CTIF: variants seen among roughly 807,000 people sequenced by gnomAD.
The protein encoded by CTIF is cap binding complex dependent translation initiation factor, also known as CBP80/20-dependent translation initiation factor.
Under a neutral mutation model 66.0 loss-of-function variants are expected in CTIF, and 21 were observed. That is an observed-to-expected ratio of 0.32 (90% CI 0.23 to 0.46). The LOEUF (loss-of-function observed/expected upper bound fraction) is 0.46, where lower values mean the gene tolerates loss of function less well. Ranked by LOEUF, CTIF falls within the 20% of genes least tolerant of loss-of-function variation. The pLI, the probability that CTIF is intolerant of heterozygous loss-of-function variation, is 1.00. For missense variants in CTIF, 739 were observed against 812.7 expected (o/e 0.91, Z 1.10); for synonymous variants, 345 against 326.4 (o/e 1.06, Z -0.62).
intron 1 of CTIF, among the ~76,000 whole-genome samples, chr18:48,602,538 A>G (rs62102935): frequency 0.048 from 7,330 of 152,216 alleles, 203 homozygotes; most frequent in Middle Eastern, 0.13. Context: ...ACAGTTGATG[A>G]CTTTGCTTTC....
At chr18:48,687,888 G>T (rs1477684906) in intron 6 of CTIF, among the ~76,000 whole-genome samples, 6 of 152,210 alleles carry the variant, frequency 3.9e-5, no homozygotes, top group African/African-American at 1.4e-4. Flanking sequence ...CCCAGTGGTA[G>T]CCCAGTCCCA....
chr18:48,830,323 C>G (rs976157213), intron 10 of CTIF, among the ~76,000 whole-genome samples: 5 of 152,030 alleles, frequency 3.3e-5, no homozygotes, highest in Admixed American at 3.3e-4. Context: ...GCCACCACAC[C>G]CAGCTAATTT....
intron 10 of CTIF, among the ~76,000 whole-genome samples, chr18:48,829,546 C>T (rs555080293): frequency 2.0e-5 from 3 of 151,150 alleles, no homozygotes; most frequent in South Asian, 2.1e-4. Flanking sequence ...CAGAGCCCCC[C>T]GACCTCCGTG....
At chr18:48,731,970 ACT>A (rs1302496899) in intron 7 of CTIF, among the ~76,000 whole-genome samples, 1 of 152,060 alleles carries the variant, frequency 6.6e-6, no homozygotes, top group Non-Finnish European at 1.5e-5. Flanking sequence ...TGCCAATAAA[ACT>A]CTGTTTCCAT....
Position 48,761,834 on chromosome 18 carries a change from A to C in CTIF, c.1371+145A>C. 5 of 792,222 alleles carry C rather than the reference A, an allele frequency of 6.3e-6. No homozygotes were observed. The highest frequency in any genetic ancestry group is 3.5e-5 in the African/African-American group (2 of 57,524). 49.1% of individuals were successfully genotyped at this position (792,222 alleles called of 1,614,324 possible). A position where few individuals can be genotyped will look rare whatever the true frequency, so the allele number is the denominator to read the frequency against. On this transcript the variant is annotated intron_variant, in intron 9 of 11. Coordinates refer to ENST00000256413, the MANE Select transcript of CTIF (RefSeq NM_014772.3). This position sits in a 1 kb window ranked among gnomAD's most constrained non-coding sequence, Gnocchi z 4.2. Reference sequence around the variant, plus strand: ...TGCCCGATTAATTATAGAAAACACAAAGGCAGTTAAGGGGCCAGGAATGAG... The same window carrying C: ...TGCCCGATTAATTATAGAAAACACACAGGCAGTTAAGGGGCCAGGAATGAG...
chr18:48,733,674 G>T (rs772183642), intron 7 of CTIF, among the ~76,000 whole-genome samples: 1 of 152,242 alleles, frequency 6.6e-6, no homozygotes, highest in African/African-American at 2.4e-5. Context: ...AGGAGAAGGA[G>T]GAAAATTATC....
At chr18:48,849,535 AATAC>A (rs1260892519) in intron 10 of CTIF, among the ~76,000 whole-genome samples, 4 of 151,614 alleles carry the variant, frequency 2.6e-5, no homozygotes, top group Non-Finnish European at 5.9e-5. Flanking sequence ...TTGGTTAATA[AATAC>A]ATACATATAC....
At chr18:48,703,398 C>T (rs1238625857) in intron 6 of CTIF, among the ~76,000 whole-genome samples, 1 of 152,124 alleles carries the variant, frequency 6.6e-6, no homozygotes, top group African/African-American at 2.4e-5. Context: ...CTGGCCTGGG[C>T]TAGGATCCCC....
intron 11 of CTIF, among the ~76,000 whole-genome samples, chr18:48,859,071 T>A (rs887346080): frequency 2.8e-4 from 43 of 152,168 alleles, no homozygotes; most frequent in Non-Finnish European, 1.2e-4. Flanking sequence ...ACAAGAGGCA[T>A]GTTCCTGGTG....
chr18:48,858,851 G>T (rs2069389303), intron 11 of CTIF, among the ~76,000 whole-genome samples: 1 of 152,208 alleles, frequency 6.6e-6, no homozygotes, highest in African/African-American at 2.4e-5. Flanking sequence ...GAAAAGGAGA[G>T]CGAGAGAAAC....
chr18:48,647,054 C>CT (rs2091052750), intron 3 of CTIF, among the ~76,000 whole-genome samples: 1 of 152,100 alleles, frequency 6.6e-6, no homozygotes, highest in Non-Finnish European at 1.5e-5. Context: ...GTTCACAATA[C>CT]ACAGAAACCT....
In CTIF at chr18:48,758,128, C is replaced by T; in HGVS notation, c.794C>T (p.Ala265Val). The change falls in exon 8 of 12, where the codon GCA becomes GTA. Residue 265 changes from alanine to valine, a missense_variant. By Grantham distance (64) the Ala-to-Val change is moderately conservative. This residue lies in a region of CTIF where 529 missense variants were observed against 520.3 expected (regional missense o/e 1.02). Transcript: ENST00000256413. ...MKHPPGDKGE[A>V]GAHRNAKETM... ...CACCCACCAGGCGACAAGGGGGAGG[C>T]AGGCGCACACCGCAATGCCAAAGAG... is the stretch of plus-strand genomic sequence containing the variant. The T allele has an allele frequency of 6.2e-7, 1 of 1,614,052 alleles. No individual in the cohort carries two copies. The highest frequency in any genetic ancestry group is 8.5e-7 in the Non-Finnish European group (1 of 1,180,012).
chr18:48,790,021 T>G (rs79392898), intron 9 of CTIF, among the ~76,000 whole-genome samples: 1 of 152,212 alleles, frequency 6.6e-6, no homozygotes, highest in South Asian at 2.1e-4. Flanking sequence ...TGATCACAGC[T>G]TCATTGCCAT....
intron 1 of CTIF, among the ~76,000 whole-genome samples, chr18:48,560,093 G>C (rs905891296): frequency 6.6e-6 from 1 of 152,154 alleles, no homozygotes; most frequent in African/African-American, 2.4e-5. Context: ...GCATAGAAAT[G>C]CCAGTTATCT....
At chr18:48,738,011 A>C (rs1476644022) in intron 7 of CTIF, among the ~76,000 whole-genome samples, 1 of 152,184 alleles carries the variant, frequency 6.6e-6, no homozygotes, top group African/African-American at 2.4e-5. Flanking sequence ...TACACTTCTC[A>C]AAGTTGCATT....
intron 1 of CTIF, chr18:48,567,596 A>G (rs2089306879): frequency 6.6e-6 from 1 of 152,256 alleles, no homozygotes; most frequent in East Asian, 1.9e-4. Flanking sequence ...GCCTGAGATC[A>G]CTATGGAAAT....
At chr18:48,668,389 G>A (rs909317273) in intron 5 of CTIF, among the ~76,000 whole-genome samples, 8 of 152,182 alleles carry the variant, frequency 5.3e-5, no homozygotes, top group African/African-American at 1.9e-4. Context: ...AAGACTACAC[G>A]CAGTTGGTGC....
chr18:48,757,351 A>G (rs1042145432), intron 7 of CTIF, among the ~76,000 whole-genome samples: 7 of 152,054 alleles, frequency 4.6e-5, no homozygotes, highest in African/African-American at 1.2e-4. Flanking sequence ...TTGTTATAGC[A>G]TATGTAGTTT....
chr18:48,781,539 G>C (rs1294234352), intron 9 of CTIF, among the ~76,000 whole-genome samples: 1 of 152,210 alleles, frequency 6.6e-6, no homozygotes, highest in Non-Finnish European at 1.5e-5. Flanking sequence ...GTCTGCCGGC[G>C]AGGGTGGCTG....
Sources: allele counts gnomAD v4.1 joint callset (sites outside exome capture counted in the v4.1 genomes callset), GRCh38; gene constraint gnomAD v4.1.1; regional missense constraint gnomAD v4.1.1; non-coding constraint Gnocchi (gnomAD v3.1); transcripts MANE v1.5; gene names NCBI Gene and HGNC (gene_info 2026-07-23, HGNC 2026-07-21).